The following WFDC8 variants were observed in gnomAD, a reference collection of about 807,000 sequenced individuals.
WFDC8 encodes WAP four-disulfide core domain protein 8.
Under a neutral mutation model 27.0 loss-of-function variants are expected in WFDC8, and 24 were observed. The ratio of observed to expected loss-of-function variants is 0.89; its 90% CI spans 0.64 to 1.25. WFDC8 has a LOEUF of 1.25. Among genes scored for constraint, WFDC8 ranks in the 50% most tolerant of loss-of-function variants. WFDC8 has a pLI of 0.00. For missense variants in WFDC8, 287 were observed against 295.9 expected, an observed-to-expected ratio of 0.97 and a Z score of 0.22; for synonymous variants, 106 against 99.7, an observed-to-expected ratio of 1.06 and a Z score of -0.38.
Position 45,552,038 on chromosome 20 carries a change from G to T in WFDC8, c.714C>A (p.Asp238Glu), listed in dbSNP as rs1028300208. ...CCSHCGLKCM[D>E]PRR is the part of the protein sequence containing the mutation. ...TTCTACTTACTATTCAACGTCTGGG[G>T]TCCATACATTTCAGTCCACAATGTG... is the stretch of plus-strand genomic sequence containing the variant. The change falls in exon 6 of 6, where the codon GAC becomes GAA. Residue 238 changes from aspartate to glutamate, a missense_variant. Transcript: ENST00000289953. 3 of 1,613,932 alleles carry T rather than the reference G, an allele frequency of 1.9e-6. No homozygotes were observed. Among genetic ancestry groups the T allele is most frequent in the Non-Finnish European group, 2.5e-6 (3 of 1,179,884 alleles).
At chr20:45,553,060 C>A (rs1045065233) in intron 5 of WFDC8, 76 bp downstream of exon 5, 16 of 1,530,148 alleles carry the variant, frequency 1.0e-5, no homozygotes, top group Middle Eastern at 2.5e-4. Flanking sequence ...TTCAAGACAC[C>A]CCCCACTCCA....
Position 45,551,978 on chromosome 20 carries a change from T to C in WFDC8, c.*48A>G. 6.2e-7 allele frequency: 1 copy of C among 1,602,242 alleles called. No homozygotes were observed. The highest frequency in any genetic ancestry group is 8.5e-7 in the Non-Finnish European group (1 of 1,172,890). On this transcript the variant is annotated 3_prime_UTR_variant, in exon 6 of 6. Coordinates refer to ENST00000289953, the MANE Select transcript of WFDC8 (RefSeq NM_130896.3). ...AGACAAAACTGACAGCTCTTTATCA[T>C]GCTACTCATAATTAATGATTTTGAT...
At chr20:45,571,069 T>C (rs150718415) in intron 1 of WFDC8, among the ~76,000 whole-genome samples, 5 of 152,278 alleles carry the variant, frequency 3.3e-5, no homozygotes, top group East Asian at 3.9e-4. Context: ...AGCCCCATCA[T>C]TGAACCTACT....
At chr20:45,568,380 C>G (rs1312494933) in intron 1 of WFDC8, 2 of 256,158 alleles carry the variant, frequency 7.8e-6, no homozygotes, top group Non-Finnish European at 1.6e-5. Flanking sequence ...TTCTAGCACT[C>G]TCCTCATGGA....
chr20:45,565,138 A>G (rs1980633846), intron 1 of WFDC8, among the ~76,000 whole-genome samples: 1 of 151,358 alleles, frequency 6.6e-6, no homozygotes, highest in African/African-American at 2.4e-5. Context: ...GAAGGAAGGG[A>G]AAAAGGGAGG....
At chr20:45,559,901 G>A (rs1234671513) in intron 2 of WFDC8, 1 of 152,158 alleles carries the variant, frequency 6.6e-6, no homozygotes, top group Non-Finnish European at 1.5e-5. Flanking sequence ...GCTAGACATG[G>A]CTTCCTGATT....
At chr20:45,559,591 T>C (rs1398163794) in intron 2 of WFDC8, among the ~76,000 whole-genome samples, 1 of 152,256 alleles carries the variant, frequency 6.6e-6, no homozygotes, top group South Asian at 2.1e-4. Flanking sequence ...ATATTTTCCA[T>C]CTTTAAAATG....
intron 1 of WFDC8, among the ~76,000 whole-genome samples, chr20:45,564,975 C>A (rs370200437): frequency 3.2e-4 from 18 of 56,696 alleles, no homozygotes; most frequent in Middle Eastern, 0.012. Context: ...GAAAGAAAGA[C>A]AAAGAAGGAA....
rs756774091 is a variant in WFDC8, at chr20:45,558,909, C to T, written c.220G>A (p.Glu74Lys). 1.2e-6 allele frequency: 2 copies of T among 1,614,222 alleles called. No individual in the cohort carries two copies. Among genetic ancestry groups the T allele is most frequent in the Non-Finnish European group, 8.5e-7 (1 of 1,180,032 alleles). ...DSCNTDFDCK[E>K]YQKCCFFACQ... The stretch of plus-strand genomic sequence containing the variant: ...GCAAAAAAGCAGCACTTCTGGTATT[C>T]CTTGCAGTCAAAATCTGTGTTACAT... Residue 74 changes from glutamate to lysine, a missense_variant, in exon 3 of 6, where the codon GAA (glutamate) becomes AAA (lysine). Transcript: ENST00000289953.
At chr20:45,576,440 C>T (rs1186466050) in intron 1 of WFDC8, among the ~76,000 whole-genome samples, 1 of 150,970 alleles carries the variant, frequency 6.6e-6, no homozygotes, top group African/African-American at 2.4e-5. Flanking sequence ...CTGTCTTTCT[C>T]CCAGGGCGGA....
At chr20:45,552,922 A>G (rs769481288) in intron 5 of WFDC8, among the ~76,000 whole-genome samples, 2 of 152,228 alleles carry the variant, frequency 1.3e-5, no homozygotes, top group Non-Finnish European at 2.9e-5. Context: ...ATAGAGAGCA[A>G]TGCTATGAAT....
chr20:45,575,181 A>G (rs932282077), intron 1 of WFDC8, among the ~76,000 whole-genome samples: 48 of 152,178 alleles, frequency 3.2e-4, no homozygotes, highest in African/African-American at 1.1e-3. Context: ...AGCAATTAGC[A>G]AGAAAAATAA....
At chr20:45,573,440 T>A (rs1352007178) in intron 1 of WFDC8, among the ~76,000 whole-genome samples, 1 of 152,144 alleles carries the variant, frequency 6.6e-6, no homozygotes, top group Non-Finnish European at 1.5e-5. Flanking sequence ...GTTTGTTTTA[T>A]CCCTCTCTGC....
At position 45,558,896 on chromosome 20, in the gene WFDC8, C is replaced by T; in HGVS notation, c.233G>A (p.Cys78Tyr). 3 of 1,614,194 alleles carry T rather than the reference C, an allele frequency of 1.9e-6. No individual in the cohort carries two copies. The highest frequency in any genetic ancestry group is 3.3e-4 in the Middle Eastern group (2 of 6,062). The change falls in exon 3 of 6, where the codon TGC becomes TAC. Residue 78 changes from cysteine to tyrosine, a missense_variant. Coordinates refer to ENST00000289953, the MANE Select transcript of WFDC8 (RefSeq NM_130896.3). ...TDFDCKEYQK[C>Y]CFFACQKKCM... ...CTTCTTCTGACAGGCAAAAAAGCAG[C>T]ACTTCTGGTATTCCTTGCAGTCAAA... is the stretch of plus-strand genomic sequence containing the variant.
chr20:45,568,803 G>T (rs1980771509), intron 1 of WFDC8: 1 of 404,664 alleles, frequency 2.5e-6, no homozygotes, highest in Non-Finnish European at 5.1e-6. Context: ...TTCACACAAA[G>T]ACATAATAGG....
chr20:45,562,872 T>A (rs1317103978), intron 1 of WFDC8, among the ~76,000 whole-genome samples: 3 of 152,154 alleles, frequency 2.0e-5, no homozygotes, highest in Admixed American at 6.5e-5. Context: ...TTTTAAGGTG[T>A]GAAAAACTAA....
At chr20:45,562,279 G>T in intron 1 of WFDC8, 60 bp from the exon 2 acceptor site, 1 of 1,415,812 alleles carries the variant, frequency 7.1e-7, no homozygotes, top group Non-Finnish European at 1.0e-6. Flanking sequence ...CACAAAGTGT[G>T]TGCAGGGGAA....
chr20:45,566,371 CAT>C (rs1302089188), intron 1 of WFDC8, among the ~76,000 whole-genome samples: 1 of 152,036 alleles, frequency 6.6e-6, no homozygotes, highest in Non-Finnish European at 1.5e-5. Context: ...AGATCAATAA[CAT>C]ATTGCTAGCC....
At chr20:45,564,099 T>C (rs979038537) in intron 1 of WFDC8, among the ~76,000 whole-genome samples, 1 of 152,222 alleles carries the variant, frequency 6.6e-6, no homozygotes, top group Non-Finnish European at 1.5e-5. Flanking sequence ...CCATTTTGGT[T>C]GGACTGGGGT....
Sources: gnomAD v4.1 joint callset for allele counts (sites outside exome capture counted in the v4.1 genomes callset) on GRCh38, gnomAD v4.1.1 for gene constraint, MANE v1.5 for transcripts, NCBI Gene and HGNC (gene_info 2026-07-23, HGNC 2026-07-21) for gene names.